Variants in SCN11A observed in about 807,000 individuals in gnomAD.
SCN11A encodes the protein sodium voltage-gated channel alpha subunit 11.
In SCN11A, 122 loss-of-function variants were observed where a neutral mutation model predicts 162.2. The observed-to-expected ratio is 0.75, with a 90% CI of 0.65 to 0.87. The LOEUF is 0.87. Ranked by LOEUF, SCN11A falls within the 40% of genes least tolerant of loss-of-function variation. The pLI, the probability that SCN11A is intolerant of heterozygous loss-of-function variation, is 0.00. For synonymous variants in SCN11A, 758 were observed against 751.5 expected (o/e 1.01, Z -0.14); for missense variants, 2,015 against 2,181.6 (o/e 0.92, Z 1.52).
At chr3:38,890,167 A>C (rs1279719399) in intron 19 of SCN11A, among the ~76,000 whole-genome samples, 16 of 152,308 alleles carry the variant, frequency 1.1e-4, no homozygotes, top group Non-Finnish European at 2.9e-5. Flanking sequence ...TCCTCATTCC[A>C]GCTTACTTGT....
Position 38,950,375 on chromosome 3 carries a change from GAC to G in SCN11A, c.-7-8_-7-7del, listed in dbSNP as rs777274397. The G allele has an allele frequency of 1.9e-6, 3 of 1,612,368 alleles. No individual in the cohort carries two copies. The highest frequency in any genetic ancestry group is 3.3e-5 in the Admixed American group (2 of 59,990). On this transcript the variant is annotated splice_polypyrimidine_tract_variant and splice_region_variant and intron_variant, in intron 4 of 29. Coordinates refer to ENST00000302328, the MANE Select transcript of SCN11A (RefSeq NM_001349253.2). ...ATCTGTCATCCATCTTCACCCTCAG[GAC>G]AGAGACAAGCCACAGATCCTCAGAA...
At position 38,883,352 on chromosome 3, in the gene SCN11A, T is replaced by C. The variant is rs1407891869; in HGVS notation, c.3100A>G (p.Lys1034Glu). The part of the protein sequence containing the change: ...GCCFPCCSVD[K>E]RKPPWVIWWN... ...CAAATGACCCAGGGAGGCTTTCTCT[T>C]GTCCACGCTACAGCATGGAAAGCAG... Residue 1034 changes from lysine to glutamate, a missense_variant, in exon 22 of 30, where the codon AAG becomes GAG. By Grantham distance (56) the Lys-to-Glu change is moderately conservative. Coordinates refer to ENST00000302328, the MANE Select transcript of SCN11A (RefSeq NM_001349253.2). 1 of 1,613,970 alleles carries C rather than the reference T, an allele frequency of 6.2e-7. No homozygotes were observed. Among genetic ancestry groups the C allele is most frequent in the African/African-American group, 1.3e-5 (1 of 74,914 alleles).
intron 20 of SCN11A, 77 bp from the exon 21 acceptor site, chr3:38,885,479 T>C: frequency 1.2e-6 from 1 of 807,102 alleles, no homozygotes; most frequent in South Asian, 1.6e-5. Context: ...AGTTTCTCAT[T>C]GTCTGATTTT....
intron 15 of SCN11A, 116 bp downstream of exon 15, chr3:38,905,076 G>T: frequency 7.6e-7 from 1 of 1,318,746 alleles, no homozygotes; most frequent in Non-Finnish European, 1.1e-6. Flanking sequence ...GGATGGTACA[G>T]TGGGTTGGTT....
intron 2 of SCN11A, among the ~76,000 whole-genome samples, chr3:39,025,090 T>C (rs541760085): frequency 6.6e-6 from 1 of 152,246 alleles, no homozygotes; most frequent in African/African-American, 2.4e-5. Context: ...GAGTAACAGC[T>C]TGCTTTGGAT....
intron 22 of SCN11A, among the ~76,000 whole-genome samples, chr3:38,881,039 A>G (rs2065300502): frequency 6.6e-6 from 1 of 152,200 alleles, no homozygotes; most frequent in African/African-American, 2.4e-5. Context: ...CCTGGGGTGA[A>G]AAAAAGAATG....
intron 7 of SCN11A, among the ~76,000 whole-genome samples, chr3:38,933,930 A>C (rs982531698): frequency 6.6e-6 from 1 of 152,236 alleles, no homozygotes; most frequent in Non-Finnish European, 1.5e-5. Flanking sequence ...TGTCAGATTT[A>C]CCAAAGTTGA....
intron 23 of SCN11A, among the ~76,000 whole-genome samples, chr3:38,873,969 T>C (rs2065169526): frequency 6.6e-6 from 1 of 152,184 alleles, no homozygotes; most frequent in Non-Finnish European, 1.5e-5. Context: ...CTAGGTTATT[T>C]CCATTTCTTT....
At chr3:38,879,813 T>C (rs2126103570) in intron 23 of SCN11A, 137 bp downstream of exon 23, 1 of 657,082 alleles carries the variant, frequency 1.5e-6, no homozygotes, top group Non-Finnish European at 2.6e-6. Context: ...TTACAAGTAC[T>C]GTGAAGAGGC....
Position 38,904,015 on chromosome 3 carries a change from C to T in SCN11A, c.1692G>A (p.Leu564=). The T allele has an allele frequency of 6.2e-7, 1 of 1,613,040 alleles. No individual in the cohort carries two copies. ...CAGTTCTCAGGACCTTCTTAACGCA[C>T]AGCCACTGGGGGCAACAGTTCCACA... ...YLVWNCCPQW[L]CVKKVLRTVM... The change falls in exon 16 of 30, where the codon CTG becomes CTA. Residue 564 remains leucine (L), a synonymous_variant. Coordinates refer to ENST00000302328, the MANE Select transcript of SCN11A (RefSeq NM_001349253.2).
Position 38,847,536 on chromosome 3 carries a change from C to G in SCN11A, c.4534G>C (p.Ala1512Pro). 6.2e-7 allele frequency: 1 copy of G among 1,614,054 alleles called. No homozygotes were observed. Residue 1512 changes from alanine to proline, a missense_variant, in exon 30 of 30, where the codon GCC (alanine) becomes CCC (proline). Physicochemically the swap from Ala to Pro is conservative, Grantham distance 27 (BLOSUM62 -1). Coordinates refer to ENST00000302328, the MANE Select transcript of SCN11A (RefSeq NM_001349253.2). The stretch of plus-strand genomic sequence containing the variant: ...GAAAACCAGTTCATACCCAGAATGG[C>G]ATAGATAAACATAATCAGAAAGAGT... ...LLLFLIMFIY[A>P]ILGMNWFSKV...
At chr3:38,877,232 T>C (rs1450021674) in intron 23 of SCN11A, among the ~76,000 whole-genome samples, 1 of 19,030 alleles carries the variant, frequency 5.3e-5, no homozygotes, top group African/African-American at 2.4e-4. Context: ...ATATACTATA[T>C]ATATGGTATA....
intron 19 of SCN11A, among the ~76,000 whole-genome samples, chr3:38,893,163 T>C (rs546191362): frequency 1.5e-4 from 23 of 151,964 alleles, no homozygotes; most frequent in Non-Finnish European, 1.9e-4. Flanking sequence ...AATAAAAGGA[T>C]GGAAAAAGAC....
intron 2 of SCN11A, among the ~76,000 whole-genome samples, chr3:38,969,284 G>C (rs2066802711): frequency 1.3e-5 from 2 of 152,178 alleles, no homozygotes; most frequent in African/African-American, 4.8e-5. Context: ...CTCTTAATAG[G>C]CTTCAAATAT....
At chr3:38,926,711 C>A in intron 8 of SCN11A, 92 bp downstream of exon 8, 1 of 1,304,734 alleles carries the variant, frequency 7.7e-7, no homozygotes, top group South Asian at 1.4e-5. Flanking sequence ...CCATACTCAG[C>A]CACTCAAATG....
chr3:38,928,437 T>C (rs971901603), intron 7 of SCN11A, among the ~76,000 whole-genome samples: 1 of 152,220 alleles, frequency 6.6e-6, no homozygotes, highest in African/African-American at 2.4e-5. Flanking sequence ...GCTTAAAACC[T>C]AGATAACAGG....
chr3:38,920,792 C>T (rs2066037304), intron 10 of SCN11A, among the ~76,000 whole-genome samples: 1 of 151,846 alleles, frequency 6.6e-6, no homozygotes, highest in Non-Finnish European at 1.5e-5. Context: ...AAAACTTCTG[C>T]AAATCATTAC....
At chr3:38,850,373 G>T in intron 29 of SCN11A, 108 bp downstream of exon 29, 2 of 980,340 alleles carry the variant, frequency 2.0e-6, no homozygotes, top group Non-Finnish European at 1.5e-6. Context: ...AAGTACACTT[G>T]GCCCAGTTTT....
At chr3:38,913,592 T>C (rs575152544) in intron 11 of SCN11A, among the ~76,000 whole-genome samples, 1 of 152,348 alleles carries the variant, frequency 6.6e-6, no homozygotes, top group African/African-American at 2.4e-5. Flanking sequence ...CAGAATGGTA[T>C]TGCATAGGTT....
Sources: gnomAD v4.1 joint callset for allele counts (sites outside exome capture counted in the v4.1 genomes callset) on GRCh38, gnomAD v4.1.1 for gene constraint, MANE v1.5 for transcripts, NCBI Gene and HGNC (gene_info 2026-07-23, HGNC 2026-07-21) for gene names.